DPYSL5: variants seen among roughly 807,000 people sequenced by gnomAD.
DPYSL5 encodes the protein dihydropyrimidinase like 5.
DPYSL5 carries 9 observed loss-of-function variants against 58.4 expected under a neutral mutation model. The ratio of observed to expected loss-of-function variants is 0.15; its 90% CI spans 0.09 to 0.27. The LOEUF is 0.27. Ranked by LOEUF, DPYSL5 falls within the 10% of genes least tolerant of loss-of-function variation. The pLI, the probability that DPYSL5 is intolerant of heterozygous loss-of-function variation, is 1.00. For missense variants in DPYSL5, 499 were observed against 770.6 expected, an observed-to-expected ratio of 0.65 and a Z score of 4.17; for synonymous variants, 293 against 301.9, an observed-to-expected ratio of 0.97 and a Z score of 0.31.
At chr2:26,852,338 C>CT (rs1034697127) in intron 1 of DPYSL5, among the ~76,000 whole-genome samples, 2 of 152,038 alleles carry the variant, frequency 1.3e-5, no homozygotes, top group African/African-American at 2.4e-5. Flanking sequence ...CTTTGCCTTG[C>CT]TTTTTTTTAT....
chr2:26,889,848 T>TG (rs1167971766), intron 1 of DPYSL5, among the ~76,000 whole-genome samples: 1 of 152,158 alleles, frequency 6.6e-6, no homozygotes, highest in African/African-American at 2.4e-5. Context: ...AGACAGCCTG[T>TG]GCTGCAGAGA....
chr2:26,947,107 G>T lies in DPYSL5; in HGVS notation c.*112G>T. The T allele has an allele frequency of 1.1e-6, 1 of 886,290 alleles. No homozygotes were observed. The highest frequency in any genetic ancestry group is 1.8e-6 in the Non-Finnish European group (1 of 565,540). 54.9% of individuals were successfully genotyped at this position (886,290 alleles called of 1,614,324 possible). A position where few individuals can be genotyped will look rare whatever the true frequency, so the allele number is the denominator to read the frequency against. ...GGGCTGGGTGGCACACCACCCGAGGGGGGCCCCGGGACCCACGGAGCCCTC... is the reference window on the plus strand; with the variant it reads ...GGGCTGGGTGGCACACCACCCGAGGTGGGCCCCGGGACCCACGGAGCCCTC... On this transcript the variant is annotated 3_prime_UTR_variant, in exon 13 of 13. Coordinates refer to ENST00000288699, the MANE Select transcript of DPYSL5 (RefSeq NM_020134.4). The surrounding 1 kb of genome is among the most constrained non-coding windows in gnomAD (Gnocchi z 4.2).
In DPYSL5 at chr2:26,944,802, C is replaced by G; in HGVS notation, c.1587C>G (p.His529Gln). 1.2e-6 allele frequency: 2 copies of G among 1,614,124 alleles called. No individual in the cohort carries two copies. The highest frequency in any genetic ancestry group is 8.5e-7 in the Non-Finnish European group (1 of 1,180,006). Residue 529 changes from histidine (H) to glutamine (Q), a missense_variant, in exon 12 of 13, where the codon CAC (histidine) becomes CAG (glutamine). Physicochemically the swap from His to Gln is conservative, Grantham distance 24 (BLOSUM62 0). Around this residue, in one of 3 missense-constraint regions of DPYSL5, gnomAD observed 33 missense variants for 63.8 expected, o/e 0.52. Transcript: ENST00000288699. The surrounding 1 kb of genome is among the most constrained non-coding windows in gnomAD (Gnocchi z 4.4). Reference sequence around the variant, plus strand: ...GGCATGGGGGCATGAGGGACCTTCACGAATCCAGCTTCAGCCTCTCTGGTA... The same window carrying G: ...GGCATGGGGGCATGAGGGACCTTCAGGAATCCAGCTTCAGCCTCTCTGGTA... ...VTRHGGMRDLHESSFSLSGSQ... is the reference protein window; with the variant it reads ...VTRHGGMRDLQESSFSLSGSQ...
intron 2 of DPYSL5, among the ~76,000 whole-genome samples, chr2:26,902,964 C>A (rs193177486): frequency 6.6e-6 from 1 of 152,152 alleles, no homozygotes; most frequent in Admixed American, 6.5e-5. Flanking sequence ...ATAATCCACC[C>A]CTTGTTTAGC....
At chr2:26,851,404 T>C (rs1444463323) in intron 1 of DPYSL5, among the ~76,000 whole-genome samples, 1 of 61,074 alleles carries the variant, frequency 1.6e-5, no homozygotes, top group Non-Finnish European at 3.2e-5. Flanking sequence ...TGTTGCATTA[T>C]TCTTAATGCT....
chr2:26,850,372 G>T (rs1017340688), intron 1 of DPYSL5, among the ~76,000 whole-genome samples: 1 of 152,146 alleles, frequency 6.6e-6, no homozygotes, highest in Admixed American at 6.5e-5. Context: ...CACGCACTCA[G>T]CCTCTCGCCC....
chr2:26,881,233 T>G (rs1416791798), intron 1 of DPYSL5, among the ~76,000 whole-genome samples: 1 of 152,126 alleles, frequency 6.6e-6, no homozygotes, highest in Non-Finnish European at 1.5e-5. Flanking sequence ...CCCATTCATT[T>G]CCCTCTAAAA....
At chr2:26,946,549 C>T (rs867240315) in intron 12 of DPYSL5, among the ~76,000 whole-genome samples, 3 of 152,274 alleles carry the variant, frequency 2.0e-5, no homozygotes, top group Non-Finnish European at 1.5e-5. Context: ...TTCTCTCTCG[C>T]TTACTCACTG....
At position 26,905,867 on chromosome 2, in the gene DPYSL5, A is replaced by ACAG. The variant is rs938919962; in HGVS notation, c.261+7110_261+7112dup. On this transcript the variant is annotated intron_variant, in intron 2 of 12. Coordinates refer to ENST00000288699, the MANE Select transcript of DPYSL5 (RefSeq NM_020134.4). The surrounding 1 kb of genome is among the most constrained non-coding windows in gnomAD (Gnocchi z 4.0). ...CAGTTCTGTAGGTAGAAATCTGGGC[A>ACAG]CAGCATGACTAGGTCTTCGGCTCAG... 1.3e-5 allele frequency among the ~76,000 whole-genome samples: 2 copies of ACAG among 152,206 alleles called. No individual in the cohort carries two copies. The highest frequency in any genetic ancestry group is 4.8e-5 in the African/African-American group (2 of 41,460).
chr2:26,920,787 A>G (rs1302474918), intron 2 of DPYSL5, among the ~76,000 whole-genome samples: 1 of 152,174 alleles, frequency 6.6e-6, no homozygotes, highest in East Asian at 1.9e-4. Context: ...CATTGTTAAT[A>G]TTTTGGTCTA....
At chr2:26,903,163 G>T (rs1268918726) in intron 2 of DPYSL5, among the ~76,000 whole-genome samples, 1 of 151,352 alleles carries the variant, frequency 6.6e-6, no homozygotes, top group East Asian at 1.9e-4. Context: ...TCTGTCGCCT[G>T]GGTTCACACG....
At chr2:26,940,194 C>A in intron 9 of DPYSL5, 22 bp downstream of exon 9, 4 of 1,612,430 alleles carry the variant, frequency 2.5e-6, no homozygotes, top group Non-Finnish European at 3.4e-6. Context: ...AGAGCCCCGC[C>A]CCGATCTGAT....
chr2:26,878,773 C>T (rs1450213790), intron 1 of DPYSL5, among the ~76,000 whole-genome samples: 1 of 152,238 alleles, frequency 6.6e-6, no homozygotes, highest in Non-Finnish European at 1.5e-5. Flanking sequence ...CCACTTTCCA[C>T]CCTCATGCAT....
rs555260079 is a variant in DPYSL5 at position 26,869,184 on chromosome 2, C to T, written c.-5+20930C>T. On this transcript the variant is annotated intron_variant, in intron 1 of 12. Coordinates refer to ENST00000288699, the MANE Select transcript of DPYSL5 (RefSeq NM_020134.4). ...TTCACCATGTTGCCCAGGTGGATTT[C>T]GAGCTCCTAGGCTCAAGAAATCCAC... Among the ~76,000 whole-genome samples, 91 of 152,268 alleles carry T rather than the reference C, an allele frequency of 6.0e-4. 1 individual carries two copies. Among genetic ancestry groups the T allele is most frequent in the Non-Finnish European group, 1.1e-3 (76 of 68,014 alleles).
At position 26,928,228 on chromosome 2, in the gene DPYSL5, C is replaced by A. The variant is rs548145348; in HGVS notation, c.601-27C>A. On this transcript the variant is annotated intron_variant, in intron 4 of 12. Transcript: ENST00000288699. ...TACACGGTGTCTCTGTGATTCTCTC[C>A]ATTTTCTTTCTCTTGCTGTTATCCA... 6.8e-6 allele frequency: 11 copies of A among 1,611,994 alleles called. No individual in the cohort carries two copies. The East Asian group carries it at 2.2e-4, about 33-fold the overall frequency.
At chr2:26,875,348 G>T (rs1440008681) in intron 1 of DPYSL5, among the ~76,000 whole-genome samples, 1 of 152,238 alleles carries the variant, frequency 6.6e-6, no homozygotes, top group African/African-American at 2.4e-5. Flanking sequence ...AGAGCACAGT[G>T]GTGGGAGTGC....
chr2:26,861,601 G>A (rs917626334), intron 1 of DPYSL5, among the ~76,000 whole-genome samples: 33 of 152,174 alleles, frequency 2.2e-4, no homozygotes, highest in African/African-American at 5.8e-4. Context: ...CTTTGGTCTC[G>A]GATGATGGGT....
At chr2:26,862,035 A>T (rs1666029891) in intron 1 of DPYSL5, among the ~76,000 whole-genome samples, 1 of 152,012 alleles carries the variant, frequency 6.6e-6, no homozygotes, top group Non-Finnish European at 1.5e-5. Context: ...TGTGGAAATG[A>T]ATTCTGCCAA....
intron 2 of DPYSL5, among the ~76,000 whole-genome samples, chr2:26,915,742 G>T (rs1161915477): frequency 6.6e-6 from 1 of 152,058 alleles, no homozygotes; most frequent in African/African-American, 2.4e-5. Flanking sequence ...CTTCCATCTG[G>T]GATTTTGGTT....
Sources: gnomAD v4.1 joint callset for allele counts (sites outside exome capture counted in the v4.1 genomes callset) on GRCh38, gnomAD v4.1.1 for gene constraint, gnomAD v4.1.1 regional missense constraint, Gnocchi (gnomAD v3.1) non-coding constraint, MANE v1.5 for transcripts, NCBI Gene and HGNC (gene_info 2026-07-23, HGNC 2026-07-21) for gene names.